Variants in FAM120B observed in about 807,000 individuals in gnomAD.
FAM120B encodes the protein family with sequence similarity 120 member B.
A neutral mutation model predicts 96.3 loss-of-function variants in FAM120B; 83 were observed. The observed-to-expected ratio is 0.86, with a 90% CI of 0.72 to 1.03. FAM120B has a LOEUF of 1.03. Ranked by LOEUF, FAM120B falls within the 50% of genes least tolerant of loss-of-function variation. FAM120B has a pLI of 0.00. For missense variants in FAM120B, 1,027 were observed against 1,121.2 expected, an observed-to-expected ratio of 0.92 and a Z score of 1.20; for synonymous variants, 407 against 402.7, an observed-to-expected ratio of 1.01 and a Z score of -0.13.
At chr6:170,397,710 G>A (rs543132757) in intron 9 of FAM120B, among the ~76,000 whole-genome samples, 4 of 152,236 alleles carry the variant, frequency 2.6e-5, no homozygotes, top group Non-Finnish European at 5.9e-5. Context: ...TGGGTGAAGC[G>A]GGCATCCCAG....
chr6:170,327,921 T>C (rs1689795498), intron 3 of FAM120B, among the ~76,000 whole-genome samples: 1 of 151,814 alleles, frequency 6.6e-6, no homozygotes, highest in Non-Finnish European at 1.5e-5. Flanking sequence ...ACACGCAGGC[T>C]GCTCTGGTGA....
At chr6:170,313,888 C>T (rs372850043) in intron 1 of FAM120B, among the ~76,000 whole-genome samples, 29 of 152,302 alleles carry the variant, frequency 1.9e-4, no homozygotes, top group South Asian at 8.3e-4. Flanking sequence ...GGCTGCTGTC[C>T]GTGTGGGGAG....
chr6:170,346,631 C>G (rs1041608677), intron 4 of FAM120B, among the ~76,000 whole-genome samples: 4 of 152,102 alleles, frequency 2.6e-5, no homozygotes, highest in Admixed American at 6.5e-5. Context: ...CGTGTGTATA[C>G]ATGGTCCAGT....
chr6:170,332,713 A>G (rs2115074498), intron 4 of FAM120B, among the ~76,000 whole-genome samples: 1 of 151,950 alleles, frequency 6.6e-6, no homozygotes, highest in South Asian at 2.1e-4. Context: ...AAAAAAAGTG[A>G]GATCCTGCCG....
At position 170,318,206 on chromosome 6, in the gene FAM120B, G is replaced by T; in HGVS notation, c.816G>T (p.Ser272=). Residue 272 remains serine (S), a synonymous_variant, in exon 2 of 11, where the codon TCG becomes TCT. Coordinates refer to ENST00000476287, the MANE Select transcript of FAM120B (RefSeq NM_032448.3). ...NIILAVSDHI[S]KVLYLYQGEK... is the part of the protein sequence containing the mutation. ...TATTAGCTGTGTCAGACCATATATCGAAAGTTCTTTACTTGTATCAAGGTG... is the reference window on the plus strand; with the variant it reads ...TATTAGCTGTGTCAGACCATATATCTAAAGTTCTTTACTTGTATCAAGGTG... 1.2e-6 allele frequency: 2 copies of T among 1,613,922 alleles called. No homozygotes were observed. The highest frequency in any genetic ancestry group is 1.7e-6 in the Non-Finnish European group (2 of 1,179,958).
rs1788089209 is a variant in FAM120B, at chr6:170,358,126, G to A, written c.2191-100G>A. 11 of 993,400 alleles carry A rather than the reference G, an allele frequency of 1.1e-5. 1 individual carries two copies. The South Asian group carries it at 1.7e-4, about 15-fold the overall frequency. 61.5% of individuals were successfully genotyped at this position (993,400 alleles called of 1,614,324 possible). ...TGTACGTGCCTGTGTGTGCATGTTT[G>A]CGCCTATACACACACTCATAGTTAA... is the stretch of plus-strand genomic sequence containing the variant. On this transcript the variant is annotated intron_variant, in intron 5 of 10. Coordinates refer to ENST00000476287, the MANE Select transcript of FAM120B (RefSeq NM_032448.3).
At chr6:170,307,019 C>T (rs1784326350) in intron 1 of FAM120B, among the ~76,000 whole-genome samples, 177 bp downstream of exon 1, 1 of 152,156 alleles carries the variant, frequency 6.6e-6, no homozygotes, top group Admixed American at 6.5e-5. Flanking sequence ...ATGGGATCCT[C>T]GCGTCCCCGC....
intron 4 of FAM120B, among the ~76,000 whole-genome samples, chr6:170,335,763 G>C (rs1786379740): frequency 6.6e-6 from 1 of 152,106 alleles, no homozygotes; most frequent in South Asian, 2.1e-4. Context: ...GCATGAAATG[G>C]TATCTCATTG....
intron 6 of FAM120B, among the ~76,000 whole-genome samples, chr6:170,380,049 A>T (rs1276150663): frequency 6.6e-6 from 1 of 152,090 alleles, no homozygotes; most frequent in South Asian, 2.1e-4. Flanking sequence ...CCGTCTGTTT[A>T]TATGTATTTG....
At chr6:170,298,055 A>G (rs1784057969) in intron 1 of FAM120B, 1 of 152,242 alleles carries the variant, frequency 6.6e-6, no homozygotes, top group African/African-American at 2.4e-5. Flanking sequence ...TTTCGGCCAC[A>G]ATGAGTCCTT....
At position 170,315,926 on chromosome 6, in the gene FAM120B, G is replaced by GA. The variant is rs1448866391; in HGVS notation, c.-21-1431dup. 2.5e-3 allele frequency among the ~76,000 whole-genome samples: 340 copies of GA among 137,736 alleles called. 2 individuals are homozygous for GA. In the East Asian group the frequency reaches 0.031, roughly 13 times the overall value. 90.4% of individuals were successfully genotyped at this position (137,736 alleles called of 152,430 possible). A position where few individuals can be genotyped will look rare whatever the true frequency, so the allele number is the denominator to read the frequency against. ...ACATAGTGAGATCTTGTCTCCACTG[G>GA]AAAAAAAAAAAAAGGCCAGGTGTGG... On this transcript the variant is annotated intron_variant, in intron 1 of 10. Coordinates refer to ENST00000476287, the MANE Select transcript of FAM120B (RefSeq NM_032448.3).
At chr6:170,309,528 A>G (rs1784473981) in intron 1 of FAM120B, among the ~76,000 whole-genome samples, 2 of 152,244 alleles carry the variant, frequency 1.3e-5, no homozygotes, top group African/African-American at 2.4e-5. Flanking sequence ...AACATTTAAT[A>G]TAAGATGGAC....
intron 1 of FAM120B, among the ~76,000 whole-genome samples, chr6:170,315,781 C>T (rs956207218): frequency 6.6e-6 from 1 of 151,984 alleles, no homozygotes; most frequent in Admixed American, 6.6e-5. Flanking sequence ...GGCTAGAGCC[C>T]ATTAAAAATC....
chr6:170,331,050 T>G (rs182368408), intron 4 of FAM120B, among the ~76,000 whole-genome samples: 1 of 152,256 alleles, frequency 6.6e-6, no homozygotes, highest in South Asian at 2.1e-4. Flanking sequence ...AAAAAGGTTA[T>G]ATTTTCATGA....
At chr6:170,353,312 A>G (rs1305910707) in intron 5 of FAM120B, among the ~76,000 whole-genome samples, 2 of 152,244 alleles carry the variant, frequency 1.3e-5, no homozygotes, top group Admixed American at 1.3e-4. Context: ...GCTGAATTCT[A>G]CCAGAGGTAC....
chr6:170,327,135 C>T (rs1463162944), intron 3 of FAM120B, among the ~76,000 whole-genome samples: 1 of 152,090 alleles, frequency 6.6e-6, no homozygotes, highest in African/African-American at 2.4e-5. Flanking sequence ...CAAGCTCCGC[C>T]TCCCGGGTTC....
Position 170,402,244 on chromosome 6 carries a change from C to T in FAM120B, c.2693-2306C>T, listed in dbSNP as rs150209243. 1.4e-4 allele frequency among the ~76,000 whole-genome samples: 21 copies of T among 152,316 alleles called. No homozygotes were observed. In the East Asian group the frequency reaches 3.7e-3, roughly 27 times the overall value. On this transcript the variant is annotated intron_variant, in intron 9 of 10. Transcript: ENST00000476287. Reference sequence around the variant, plus strand: ...AGATTCCCGAATCCCTGAGCTGGTCCGCAAGGCTGTGGGGGTGGCAGAGGT... The same window carrying T: ...AGATTCCCGAATCCCTGAGCTGGTCTGCAAGGCTGTGGGGGTGGCAGAGGT...
intron 1 of FAM120B, among the ~76,000 whole-genome samples, chr6:170,310,895 C>G (rs1011813570): frequency 6.6e-6 from 1 of 152,210 alleles, no homozygotes; most frequent in African/African-American, 2.4e-5. Flanking sequence ...GTATCCACAG[C>G]TCCTAACATA....
At chr6:170,361,206 A>ATG (rs1562566701) in intron 6 of FAM120B, among the ~76,000 whole-genome samples, 4 of 81,140 alleles carry the variant, frequency 4.9e-5, no homozygotes, top group African/African-American at 1.8e-4. Flanking sequence ...GTGTATATAT[A>ATG]TATATATATA....
Sources: allele counts gnomAD v4.1 joint callset (sites outside exome capture counted in the v4.1 genomes callset), GRCh38; gene constraint gnomAD v4.1.1; transcripts MANE v1.5; gene names NCBI Gene and HGNC (gene_info 2026-07-23, HGNC 2026-07-21).